AKAP7: variants seen among roughly 807,000 people sequenced by gnomAD.
AKAP7 encodes the protein A kinase (PRKA) anchor protein 7.
AKAP7 carries 39 observed loss-of-function variants against 39.5 expected under a neutral mutation model. The ratio of observed to expected loss-of-function variants is 0.99; its 90% CI spans 0.76 to 1.29. The LOEUF (loss-of-function observed/expected upper bound fraction) is 1.29, where lower values mean the gene tolerates loss of function less well. Among genes scored for constraint, AKAP7 ranks in the 50% most tolerant of loss-of-function variants. The pLI is 0.00. For synonymous variants in AKAP7, 140 were observed against 139.1 expected (o/e 1.01, Z -0.05); for missense variants, 414 against 407.7 (o/e 1.02, Z -0.13).
intron 7 of AKAP7, among the ~76,000 whole-genome samples, chr6:131,247,992 G>A (rs1240027447): frequency 6.6e-6 from 1 of 152,176 alleles, no homozygotes; most frequent in Non-Finnish European, 1.5e-5. Context: ...ATAAAGTTAA[G>A]TTGGTAGGAT....
chr6:131,192,597 T>C (rs1181598603), intron 5 of AKAP7, among the ~76,000 whole-genome samples: 1 of 152,318 alleles, frequency 6.6e-6, no homozygotes, highest in Admixed American at 6.5e-5. Context: ...AATTTTAGGA[T>C]TGTTTTTTCT....
intron 5 of AKAP7, among the ~76,000 whole-genome samples, chr6:131,187,474 T>G (rs909156416): frequency 6.6e-6 from 1 of 152,158 alleles, no homozygotes; most frequent in Non-Finnish European, 1.5e-5. Flanking sequence ...CATAGAGACT[T>G]ATTTCAAGTG....
At chr6:131,206,179 C>G (rs896373944) in intron 6 of AKAP7, among the ~76,000 whole-genome samples, 1 of 152,152 alleles carries the variant, frequency 6.6e-6, no homozygotes, top group African/African-American at 2.4e-5. Flanking sequence ...ATGTATAGAT[C>G]AGTTGTTTTT....
intron 5 of AKAP7, among the ~76,000 whole-genome samples, chr6:131,179,805 G>A (rs1448144561): frequency 6.6e-6 from 1 of 152,036 alleles, no homozygotes; most frequent in Non-Finnish European, 1.5e-5. Flanking sequence ...GGAGGGCGAG[G>A]CTGCAGCGAG....
intron 2 of AKAP7, among the ~76,000 whole-genome samples, 155 bp from the exon 3 acceptor site, chr6:131,159,904 A>G (rs1196774886): frequency 6.6e-6 from 1 of 152,264 alleles, no homozygotes; most frequent in African/African-American, 2.4e-5. Flanking sequence ...ACTATTTACT[A>G]TGAGGTCCTT....
At chr6:131,266,529 A>T (rs1813811418) in intron 7 of AKAP7, among the ~76,000 whole-genome samples, 1 of 152,222 alleles carries the variant, frequency 6.6e-6, no homozygotes, top group Non-Finnish European at 1.5e-5. Context: ...AGAGAACTTT[A>T]AAACAATTTA....
At chr6:131,188,822 G>A (rs1806128290) in intron 5 of AKAP7, among the ~76,000 whole-genome samples, 1 of 151,760 alleles carries the variant, frequency 6.6e-6, no homozygotes, top group African/African-American at 2.4e-5. Context: ...CAGAGTACTG[G>A]GATTATAGGC....
At chr6:131,165,827 C>T (rs1803428263) in intron 4 of AKAP7, among the ~76,000 whole-genome samples, 1 of 152,138 alleles carries the variant, frequency 6.6e-6, no homozygotes, top group Non-Finnish European at 1.5e-5. Context: ...AAACCTTGTT[C>T]TTCCCCCAAT....
At chr6:131,163,539 A>G (rs1215349883) in intron 3 of AKAP7, among the ~76,000 whole-genome samples, 1 of 152,204 alleles carries the variant, frequency 6.6e-6, no homozygotes, top group Non-Finnish European at 1.5e-5. Flanking sequence ...TTTGGCCTCT[A>G]CGTGTTGGCA....
chr6:131,141,256 T>C (rs1394187056), intron 1 of AKAP7, among the ~76,000 whole-genome samples: 3 of 152,130 alleles, frequency 2.0e-5, no homozygotes, highest in African/African-American at 7.2e-5. Context: ...CTCCCTGTGA[T>C]AATGAGTTCA....
rs2128293901 is a variant in AKAP7, at chr6:131,214,362, G to A, written c.703-5299G>A. On this transcript the variant is annotated intron_variant, in intron 6 of 7. Transcript: ENST00000431975. ...TAAAGCCTGAACATTAAACCAGACT[G>A]GAATGCTAAAAGTAAGTTTATAAAT... 2.6e-5 allele frequency among the ~76,000 whole-genome samples: 4 copies of A among 152,180 alleles called. No homozygotes were observed. In the South Asian group the frequency reaches 8.3e-4, roughly 32 times the overall value.
chr6:131,271,816 A>G (rs1197696723), intron 7 of AKAP7, among the ~76,000 whole-genome samples: 1 of 152,334 alleles, frequency 6.6e-6, no homozygotes, highest in East Asian at 1.9e-4. Flanking sequence ...AAAGTCAGAC[A>G]AGGCCACGAA....
the AKAP7 span, among the ~76,000 whole-genome samples, chr6:131,129,243 T>A: frequency 1.4e-5 from 2 of 144,584 alleles, no homozygotes; most frequent in East Asian, 2.0e-4. Flanking sequence ...GCCAAGATCA[T>A]GCCACTGCAC....
intron 7 of AKAP7, among the ~76,000 whole-genome samples, chr6:131,240,636 C>A (rs1811465183): frequency 6.6e-6 from 1 of 152,194 alleles, no homozygotes; most frequent in African/African-American, 2.4e-5. Flanking sequence ...CTTGCTGCCA[C>A]CTTGCAGTTT....
intron 5 of AKAP7, among the ~76,000 whole-genome samples, chr6:131,188,701 G>C (rs1457918663): frequency 6.6e-6 from 1 of 151,324 alleles, no homozygotes; most frequent in African/African-American, 2.4e-5. Flanking sequence ...ATCACACCTG[G>C]CTGATTTTTG....
chr6:131,244,309 C>T (rs544040897), intron 7 of AKAP7, among the ~76,000 whole-genome samples: 1 of 152,308 alleles, frequency 6.6e-6, no homozygotes, highest in South Asian at 2.1e-4. Flanking sequence ...CTCTCACCTA[C>T]TCTGGTGGCA....
chr6:131,252,952 C>A, intron 7 of AKAP7: 1 of 1,397,574 alleles, frequency 7.2e-7, no homozygotes, highest in Non-Finnish European at 1.0e-6. Context: ...TAGAATGTTC[C>A]TCCTTGAAGG....
chr6:131,251,206 C>T (rs376585731), intron 7 of AKAP7, among the ~76,000 whole-genome samples: 176 of 152,276 alleles, frequency 1.2e-3, no homozygotes, highest in African/African-American at 3.9e-3. Context: ...AATTCCACAG[C>T]GGCTTGTGCC....
Position 131,214,477 on chromosome 6 carries a change from T to A in AKAP7, c.703-5184T>A, listed in dbSNP as rs12176127. ...TAAAACAAAATTAAGAATTGAGAAA[T>A]ATTACATATGGAAATAAATAGCTGG... On this transcript the variant is annotated intron_variant, in intron 6 of 7. Transcript: ENST00000431975. Among the ~76,000 whole-genome samples the A allele has an allele frequency of 4.1e-3, 628 of 152,248 alleles. 18 individuals carry two copies. The East Asian group carries it at 0.094, about 23-fold the overall frequency.
Sources: gnomAD v4.1 joint callset for allele counts (sites outside exome capture counted in the v4.1 genomes callset) on GRCh38, gnomAD v4.1.1 for gene constraint, MANE v1.5 for transcripts, NCBI Gene and HGNC (gene_info 2026-07-23, HGNC 2026-07-21) for gene names.